The following PTK2 variants were observed in gnomAD, a reference collection of about 807,000 sequenced individuals.
PTK2 encodes the protein focal adhesion kinase 1.
A neutral mutation model predicts 150.1 loss-of-function variants in PTK2; 45 were observed. The ratio of observed to expected loss-of-function variants is 0.30; its 90% CI spans 0.24 to 0.38. The LOEUF is 0.38. PTK2 is among the 10% of genes least tolerant of loss of function. The pLI, the probability that PTK2 is intolerant of heterozygous loss-of-function variation, is 1.00. For synonymous variants in PTK2, 432 were observed against 449.2 expected (o/e 0.96, Z 0.48); for missense variants, 919 against 1,307.3 (o/e 0.70, Z 4.58).
At chr8:140,669,037 T>A (rs913742869) in intron 29 of PTK2, 1 of 152,694 alleles carries the variant, frequency 6.5e-6, no homozygotes, top group Non-Finnish European at 1.5e-5. Context: ...AAGACCCCGG[T>A]TTCAGCCAGC....
At chr8:140,933,842 A>G (rs1199849580) in intron 1 of PTK2, among the ~76,000 whole-genome samples, 1 of 152,124 alleles carries the variant, frequency 6.6e-6, no homozygotes, top group African/African-American at 2.4e-5. Flanking sequence ...TAGTATGAGA[A>G]TTATACGTCA....
intron 14 of PTK2, among the ~76,000 whole-genome samples, chr8:140,778,714 T>C (rs920109538): frequency 5.9e-5 from 9 of 152,058 alleles, no homozygotes; most frequent in Admixed American, 5.2e-4. Flanking sequence ...GCAGAGATGA[T>C]GGGGATGTAG....
At chr8:140,962,263 AGAAGGGAGGGAG>A (rs71310807) in intron 1 of PTK2, among the ~76,000 whole-genome samples, 53,700 of 127,236 alleles carry the variant, frequency 0.42, 12,937 homozygotes, top group Non-Finnish European at 0.56. Flanking sequence ...GAGGAAGGGA[AGAAGGGAGGGAG>A]GAAGGGAGGG....
At chr8:140,733,869 A>G (rs1447064114) in intron 22 of PTK2, among the ~76,000 whole-genome samples, 1 of 152,122 alleles carries the variant, frequency 6.6e-6, no homozygotes, top group Non-Finnish European at 1.5e-5. Context: ...TGGTCTTTCC[A>G]ATGTGGGGCT....
intron 1 of PTK2, among the ~76,000 whole-genome samples, chr8:140,979,694 G>A (rs1379845308): frequency 6.6e-6 from 1 of 152,138 alleles, no homozygotes; most frequent in East Asian, 1.9e-4. Flanking sequence ...ACCGGTGGGA[G>A]GTAACTGAAT....
At chr8:140,888,622 T>C (rs1360198619) in intron 3 of PTK2, among the ~76,000 whole-genome samples, 5 of 152,242 alleles carry the variant, frequency 3.3e-5, no homozygotes, top group Non-Finnish European at 7.3e-5. Flanking sequence ...TAGGAAGTTT[T>C]TAACATTGGC....
At chr8:140,954,256 A>G (rs1268314240) in intron 1 of PTK2, among the ~76,000 whole-genome samples, 1 of 152,184 alleles carries the variant, frequency 6.6e-6, no homozygotes, top group Non-Finnish European at 1.5e-5. Context: ...CTGTGATTAC[A>G]GGCATGAGCC....
At chr8:140,776,069 A>T (rs1038717802) in intron 14 of PTK2, among the ~76,000 whole-genome samples, 1 of 152,136 alleles carries the variant, frequency 6.6e-6, no homozygotes, top group Non-Finnish European at 1.5e-5. Flanking sequence ...CAGTGGCGTG[A>T]TCTTGCTTAC....
intron 16 of PTK2, among the ~76,000 whole-genome samples, chr8:140,756,761 A>G (rs1485840976): frequency 6.6e-6 from 1 of 151,566 alleles, no homozygotes; most frequent in African/African-American, 2.4e-5. Flanking sequence ...AGGCAGAGGC[A>G]GGTGGATCAC....
intron 1 of PTK2, among the ~76,000 whole-genome samples, chr8:140,970,754 G>A (rs990578846): frequency 1.3e-5 from 2 of 152,154 alleles, no homozygotes; most frequent in African/African-American, 4.8e-5. Context: ...GATTGCAGAT[G>A]AAGTCAAATC....
chr8:140,825,250 C>T (rs1173928465), intron 8 of PTK2, among the ~76,000 whole-genome samples: 1 of 152,162 alleles, frequency 6.6e-6, no homozygotes, highest in Non-Finnish European at 1.5e-5. Flanking sequence ...TTTCACTCCC[C>T]ACCCAGCATC....
intron 22 of PTK2, among the ~76,000 whole-genome samples, chr8:140,726,335 A>T (rs1480098587): frequency 6.6e-6 from 1 of 152,172 alleles, no homozygotes; most frequent in African/African-American, 2.4e-5. Context: ...AATAGAACAG[A>T]AAAATGTATC....
chr8:140,917,490 A>G (rs2100165759), intron 2 of PTK2, among the ~76,000 whole-genome samples: 1 of 152,180 alleles, frequency 6.6e-6, no homozygotes, highest in African/African-American at 2.4e-5. Flanking sequence ...AACCCTGGAT[A>G]AATACTTTTA....
chr8:140,874,554 C>T (rs1225233936), intron 4 of PTK2, among the ~76,000 whole-genome samples: 1 of 152,098 alleles, frequency 6.6e-6, no homozygotes, highest in Non-Finnish European at 1.5e-5. Context: ...AGAGAAGAAA[C>T]AGCTGAGTGT....
At chr8:140,785,299 A>G (rs925244969) in intron 14 of PTK2, among the ~76,000 whole-genome samples, 1 of 152,234 alleles carries the variant, frequency 6.6e-6, no homozygotes, top group African/African-American at 2.4e-5. Context: ...TCAGGAATTC[A>G]TGGATTTATT....
At chr8:140,927,147 GT>G (rs1228611800) in intron 1 of PTK2, among the ~76,000 whole-genome samples, 2 of 152,010 alleles carry the variant, frequency 1.3e-5, no homozygotes, top group Non-Finnish European at 2.9e-5. Flanking sequence ...ATAAAACAGA[GT>G]TTTTTTTATT....
At chr8:140,794,258 C>T (rs532504258) in intron 12 of PTK2, among the ~76,000 whole-genome samples, 5 of 152,190 alleles carry the variant, frequency 3.3e-5, no homozygotes, top group Non-Finnish European at 4.4e-5. Flanking sequence ...ATTTAAACAC[C>T]CCAGCTTAAT....
chr8:140,680,825 C>A (rs183866811), intron 27 of PTK2, among the ~76,000 whole-genome samples: 1 of 152,022 alleles, frequency 6.6e-6, no homozygotes, highest in Non-Finnish European at 1.5e-5. Flanking sequence ...CCACTGTGCC[C>A]GACTGGGTGC....
chr8:140,744,082 CT>C (rs5895647), intron 19 of PTK2, among the ~76,000 whole-genome samples: 88,649 of 144,896 alleles, frequency 0.61, 28,415 homozygotes, highest in African/African-American at 0.84. Flanking sequence ...CGGCCTATTT[CT>C]TTTTTTTTTT....
Sources: gnomAD v4.1 joint callset for allele counts (sites outside exome capture counted in the v4.1 genomes callset) on GRCh38, gnomAD v4.1.1 for gene constraint, MANE v1.5 for transcripts, NCBI Gene and HGNC (gene_info 2026-07-23, HGNC 2026-07-21) for gene names.